Variants in HGF observed in about 807,000 individuals in gnomAD.
HGF encodes fibroblast-derived tumor cytotoxic factor.
A neutral mutation model predicts 111.6 loss-of-function variants in HGF; 39 were observed. The ratio of observed to expected loss-of-function variants is 0.35; its 90% CI spans 0.27 to 0.46. The LOEUF (loss-of-function observed/expected upper bound fraction) is 0.46, where lower values mean the gene tolerates loss of function less well. Ranked by LOEUF, HGF falls within the 20% of genes least tolerant of loss-of-function variation. The pLI, the probability that HGF is intolerant of heterozygous loss-of-function variation, is 1.00. For missense variants in HGF, 735 were observed against 910.5 expected, an observed-to-expected ratio of 0.81 and a Z score of 2.48; for synonymous variants, 285 against 294.8, an observed-to-expected ratio of 0.97 and a Z score of 0.34.
Position 81,705,553 on chromosome 7 carries a change from A to G in HGF, c.1865-18T>C. The G allele has an allele frequency of 1.2e-6, 2 of 1,611,338 alleles. No homozygotes were observed. ...GTTGATCACTAGATTGATGCAAAAAACATACAATAAGGTGAGAAAAGTAAG... is the reference window on the plus strand; with the variant it reads ...GTTGATCACTAGATTGATGCAAAAAGCATACAATAAGGTGAGAAAAGTAAG... On this transcript the variant is annotated intron_variant, in intron 16 of 17. Transcript: ENST00000222390.
intron 12 of HGF, 82 bp from the exon 13 acceptor site, chr7:81,710,325 T>A (rs1181231156): frequency 2.2e-6 from 2 of 891,904 alleles, no homozygotes; most frequent in East Asian, 5.0e-5. Flanking sequence ...AATGCAATGA[T>A]AATTACACAA....
intron 3 of HGF, among the ~76,000 whole-genome samples, chr7:81,757,679 A>G (rs1219539751): frequency 6.6e-6 from 1 of 152,184 alleles, no homozygotes; most frequent in Non-Finnish European, 1.5e-5. Flanking sequence ...GAATTCAAAA[A>G]GTTACCTAAG....
intron 5 of HGF, among the ~76,000 whole-genome samples, chr7:81,747,593 G>A (rs1300302182): frequency 6.6e-6 from 1 of 152,182 alleles, no homozygotes; most frequent in African/African-American, 2.4e-5. Flanking sequence ...GAAAGTTATT[G>A]TTGGGGTGGG....
chr7:81,753,919 T>A (rs1281870608), intron 4 of HGF, among the ~76,000 whole-genome samples: 1 of 152,020 alleles, frequency 6.6e-6, no homozygotes, highest in Non-Finnish European at 1.5e-5. Flanking sequence ...TTCTTACTTT[T>A]AGCTCCATCA....
At chr7:81,732,341 G>A (rs1232013178) in intron 7 of HGF, among the ~76,000 whole-genome samples, 1 of 152,172 alleles carries the variant, frequency 6.6e-6, no homozygotes, top group Non-Finnish European at 1.5e-5. Flanking sequence ...AAATATGGAA[G>A]CAGCTTCAAA....
At chr7:81,714,767 T>TA (rs1160801433) in intron 11 of HGF, among the ~76,000 whole-genome samples, 3 of 152,120 alleles carry the variant, frequency 2.0e-5, no homozygotes, top group Non-Finnish European at 4.4e-5. Context: ...AAATGATTTA[T>TA]ACAGTCTCTG....
chr7:81,766,026 A>C (rs1789339788), intron 1 of HGF, among the ~76,000 whole-genome samples: 1 of 152,186 alleles, frequency 6.6e-6, no homozygotes, highest in African/African-American at 2.4e-5. Flanking sequence ...GTATGGGAAA[A>C]CATTCTGGAA....
At chr7:81,759,329 C>T (rs892400391) in intron 2 of HGF, among the ~76,000 whole-genome samples, 4 of 152,014 alleles carry the variant, frequency 2.6e-5, no homozygotes, top group Admixed American at 6.6e-5. Context: ...TATATCAATG[C>T]GCTAGGGATT....
Position 81,708,980 on chromosome 7 carries a change from A to G in HGF, c.1541+1167T>C, listed in dbSNP as rs188032207. The stretch of plus-strand genomic sequence containing the variant: ...AAAAAAGAACTTTAGGCCATCTCCT[A>G]CAACATTGTGGTCATCTAAAGTCAT... On this transcript the variant is annotated intron_variant, in intron 13 of 17. Coordinates refer to ENST00000222390, the MANE Select transcript of HGF (RefSeq NM_000601.6). Among the ~76,000 whole-genome samples, 6 of 152,298 alleles carry G rather than the reference A, an allele frequency of 3.9e-5. No homozygotes were observed. In the East Asian group the frequency reaches 9.7e-4, roughly 25 times the overall value.
intron 17 of HGF, among the ~76,000 whole-genome samples, chr7:81,703,001 T>C (rs1583910366): frequency 6.6e-6 from 1 of 151,832 alleles, no homozygotes; most frequent in South Asian, 2.1e-4. Flanking sequence ...TAAAAATGAC[T>C]TGCCTTTTCC....
chr7:81,749,746 ATTTTC>A (rs1788415644), intron 5 of HGF, among the ~76,000 whole-genome samples: 1 of 152,024 alleles, frequency 6.6e-6, no homozygotes, highest in Admixed American at 6.6e-5. Flanking sequence ...TATTGACTAT[ATTTTC>A]AAGTTTTAAA....
chr7:81,751,797 G>C (rs112061786), intron 5 of HGF: 1 of 1,140,986 alleles, frequency 8.8e-7, no homozygotes, highest in Non-Finnish European at 1.1e-6. Context: ...ACTCCTTTCA[G>C]GTGCCACACA....
rs2116024194 is a variant in HGF at position 81,743,430 on chromosome 7, G to A, written c.788C>T (p.Pro263Leu). The change falls in exon 7 of 18, where the codon CCC becomes CTC. Residue 263 changes from proline to leucine, a missense_variant. Coordinates refer to ENST00000222390, the MANE Select transcript of HGF (RefSeq NM_000601.6). ...KGFDDNYCRN[P>L]DGQPRPWCYT... ...GCACCATGGCCTCGGCTGGCCATCG[G>A]GATTGCGGCAATAATTATCATCAAA... 1 of 1,613,598 alleles carries A rather than the reference G, an allele frequency of 6.2e-7. No individual in the cohort carries two copies. Among genetic ancestry groups the A allele is most frequent in the Non-Finnish European group, 8.5e-7 (1 of 1,179,578 alleles).
chr7:81,737,270 A>G (rs997497005), intron 7 of HGF, among the ~76,000 whole-genome samples: 41 of 152,170 alleles, frequency 2.7e-4, no homozygotes, highest in African/African-American at 9.9e-4. Context: ...CCTTTACAGG[A>G]TTCATGAAGA....
chr7:81,769,686 A>G (rs1298500765), intron 1 of HGF, among the ~76,000 whole-genome samples, 198 bp downstream of exon 1: 1 of 152,094 alleles, frequency 6.6e-6, no homozygotes, highest in Non-Finnish European at 1.5e-5. Context: ...GTTAATTATC[A>G]TTTTAAATGC....
At chr7:81,704,938 G>A (rs1462008227) in intron 17 of HGF, among the ~76,000 whole-genome samples, 2 of 151,758 alleles carry the variant, frequency 1.3e-5, no homozygotes, top group African/African-American at 4.8e-5. Context: ...CATACACAGA[G>A]CGAGAGAGCA....
chr7:81,703,273 A>G (rs1410256134), intron 17 of HGF, among the ~76,000 whole-genome samples: 1 of 150,412 alleles, frequency 6.6e-6, no homozygotes, highest in Non-Finnish European at 1.5e-5. Flanking sequence ...CCTGCCCTAC[A>G]TGATCTTAAC....
intron 16 of HGF, 29 bp from the exon 17 acceptor site, chr7:81,705,564 G>A (rs1789401341): frequency 3.1e-6 from 5 of 1,609,770 alleles, no homozygotes; most frequent in Non-Finnish European, 4.2e-6. Flanking sequence ...CATACAATAA[G>A]GTGAGAAAAG....
intron 7 of HGF, among the ~76,000 whole-genome samples, chr7:81,737,924 G>A (rs1383302391): frequency 1.3e-5 from 2 of 152,068 alleles, no homozygotes; most frequent in Admixed American, 1.3e-4. Flanking sequence ...TTTCTAAGGG[G>A]TATCAATCAC....
Sources: allele counts gnomAD v4.1 joint callset (sites outside exome capture counted in the v4.1 genomes callset), GRCh38; gene constraint gnomAD v4.1.1; transcripts MANE v1.5; gene names NCBI Gene and HGNC (gene_info 2026-07-23, HGNC 2026-07-21).